The following C10orf143 variants were observed in gnomAD, a reference collection of about 807,000 sequenced individuals.
The protein encoded by C10orf143 is uncharacterized protein C10orf143.
At chr10:130,110,519 A>C (rs1279399788) in intron 1 of C10orf143, among the ~76,000 whole-genome samples, 185 bp downstream of exon 1, 1 of 152,070 alleles carries the variant, frequency 6.6e-6, no homozygotes, top group Admixed American at 6.5e-5. Context: ...CGGCGTCACA[A>C]CCCCGCCCTA....
intron 3 of C10orf143, among the ~76,000 whole-genome samples, chr10:130,069,523 A>C (rs535824883): frequency 1.2e-4 from 19 of 152,234 alleles, no homozygotes; most frequent in African/African-American, 4.6e-4. Flanking sequence ...GTTACCAGTA[A>C]GTAAGAGTCT....
At chr10:130,059,363 T>C (rs1432649437), downstream of C10orf143, among the ~76,000 whole-genome samples, 1 of 151,948 alleles carries the variant, frequency 6.6e-6, no homozygotes, top group African/African-American at 2.4e-5. Context: ...CTGGGAAAAA[T>C]ATTTCCAACA....
At chr10:130,081,370 T>C (rs748211365) in intron 1 of C10orf143, among the ~76,000 whole-genome samples, 1 of 152,048 alleles carries the variant, frequency 6.6e-6, no homozygotes, top group East Asian at 1.9e-4. Context: ...AGAAACATAC[T>C]AATAACAGGA....
chr10:130,061,972 G>A (rs1018509006), downstream of C10orf143, among the ~76,000 whole-genome samples: 3 of 151,896 alleles, frequency 2.0e-5, no homozygotes, highest in Non-Finnish European at 2.9e-5. Flanking sequence ...CAGGGCAGCT[G>A]TGACAGCAAG....
At chr10:130,061,118 C>T (rs1401836046), downstream of C10orf143, among the ~76,000 whole-genome samples, 2 of 152,166 alleles carry the variant, frequency 1.3e-5, no homozygotes, top group African/African-American at 4.8e-5. Flanking sequence ...GCCTGGGTAA[C>T]AGGAGTGGGA....
At chr10:130,096,992 G>A (rs111325006) in intron 1 of C10orf143, among the ~76,000 whole-genome samples, 3,832 of 147,218 alleles carry the variant, frequency 0.026, 77 homozygotes, top group Middle Eastern at 0.037. Context: ...ACAGAGTCTC[G>A]CTCTGTCACC....
chr10:130,106,878 C>A, intron 1 of C10orf143: 3 of 1,088,132 alleles, frequency 2.8e-6, no homozygotes, highest in East Asian at 2.4e-5. Context: ...AAAGATTGGG[C>A]TGCTAGGCTT....
intron 3 of C10orf143, among the ~76,000 whole-genome samples, chr10:130,036,695 T>C (rs1367894138): frequency 1.3e-5 from 2 of 152,172 alleles, no homozygotes; most frequent in Non-Finnish European, 2.9e-5. Context: ...CTGTAGAAAG[T>C]GTCCAAGGTT....
At chr10:130,084,723 T>C (rs1483303956) in intron 1 of C10orf143, among the ~76,000 whole-genome samples, 1 of 152,166 alleles carries the variant, frequency 6.6e-6, no homozygotes, top group Non-Finnish European at 1.5e-5. Context: ...GGCATCCTAG[T>C]AGCAAGATTA....
At chr10:130,084,638 T>C (rs1167315254) in intron 1 of C10orf143, among the ~76,000 whole-genome samples, 1 of 119,642 alleles carries the variant, frequency 8.4e-6, no homozygotes, top group Non-Finnish European at 1.8e-5. Context: ...TGAGTTACTG[T>C]GTGTGCAGGT....
intron 3 of C10orf143, among the ~76,000 whole-genome samples, chr10:130,046,011 C>T (rs1860666475): frequency 2.0e-5 from 3 of 149,032 alleles, no homozygotes; most frequent in Middle Eastern, 3.4e-3. Context: ...TGGGGCTGGG[C>T]GTGGGGCACG....
At chr10:130,076,641 T>A (rs1861122941) in intron 3 of C10orf143, among the ~76,000 whole-genome samples, 1 of 152,170 alleles carries the variant, frequency 6.6e-6, no homozygotes, top group Non-Finnish European at 1.5e-5. Context: ...CTTATAAGCC[T>A]TCCTCCCCTT....
intron 1 of C10orf143, among the ~76,000 whole-genome samples, chr10:130,087,252 T>C (rs1163401844): frequency 6.6e-6 from 1 of 152,204 alleles, no homozygotes; most frequent in Non-Finnish European, 1.5e-5. Context: ...CATTTACATC[T>C]GGGGCTGCTT....
At chr10:130,102,163 T>C (rs1861568397) in intron 1 of C10orf143, among the ~76,000 whole-genome samples, 1 of 152,154 alleles carries the variant, frequency 6.6e-6, no homozygotes, top group South Asian at 2.1e-4. Flanking sequence ...CCAGCTTATG[T>C]TTATTGAGCC....
chr10:130,062,141 C>T (rs1280835120), downstream of C10orf143, among the ~76,000 whole-genome samples: 1 of 152,156 alleles, frequency 6.6e-6, no homozygotes, highest in Non-Finnish European at 1.5e-5. Context: ...ACTAAAATGG[C>T]TGAAAACACC....
At chr10:130,102,139 A>C (rs1396729021) in intron 1 of C10orf143, among the ~76,000 whole-genome samples, 2 of 152,074 alleles carry the variant, frequency 1.3e-5, no homozygotes, top group African/African-American at 4.8e-5. Context: ...ATGGGGTGCC[A>C]TGTGCCTGAA....
At chr10:130,089,703 A>AACAT (rs1861350134) in intron 1 of C10orf143, among the ~76,000 whole-genome samples, 1 of 152,252 alleles carries the variant, frequency 6.6e-6, no homozygotes, top group Non-Finnish European at 1.5e-5. Flanking sequence ...CATAAGGATG[A>AACAT]ACATACAGGT....
At chr10:130,108,981 C>T (rs961330589) in intron 1 of C10orf143, among the ~76,000 whole-genome samples, 1 of 152,202 alleles carries the variant, frequency 6.6e-6, no homozygotes, top group Non-Finnish European at 1.5e-5. Context: ...CAAGGAGCAG[C>T]AGTACTGCCC....
intron 4 of C10orf143, among the ~76,000 whole-genome samples, chr10:130,035,287 C>T (rs572258993): frequency 3.3e-5 from 5 of 152,284 alleles, no homozygotes; most frequent in South Asian, 2.1e-4. Context: ...TGGTGTGTTT[C>T]GTCTGTGTCT....
Sources: allele counts gnomAD v4.1 joint callset (sites outside exome capture counted in the v4.1 genomes callset), GRCh38; gene constraint gnomAD v4.1.1; transcripts MANE v1.5; gene names NCBI Gene and HGNC (gene_info 2026-07-23, HGNC 2026-07-21).